KAZN: variants seen among roughly 807,000 people sequenced by gnomAD.
KAZN encodes the protein kazrin, periplakin interacting protein.
Under a neutral mutation model 87.4 loss-of-function variants are expected in KAZN, and 40 were observed. That is an observed-to-expected ratio of 0.46 (90% confidence interval 0.36 to 0.60). The LOEUF (loss-of-function observed/expected upper bound fraction) is 0.60. Ranked by LOEUF, KAZN falls within the 20% of genes least tolerant of loss-of-function variation. The pLI, the probability that KAZN is intolerant of heterozygous loss-of-function variation, is 0.00. For synonymous variants in KAZN, 466 were observed against 458.3 expected (o/e 1.02, Z -0.22); for missense variants, 898 against 1,073.9 (o/e 0.84, Z 2.29).
intron 1 of KAZN, among the ~76,000 whole-genome samples, chr1:14,713,797 A>AGG (rs58621160): frequency 1.4e-4 from 13 of 95,688 alleles, no homozygotes; most frequent in African/African-American, 5.5e-4. Flanking sequence ...AAAAAAAAAA[A>AGG]AAAGAAAGAA....
At position 14,703,864 on chromosome 1, in the gene KAZN, C is replaced by T. The variant is rs141356538; in HGVS notation, c.226+104641C>T. ...GCTGCGCTTCAGCCTGGGGCAACTC[C>T]AGCCTGTGAGACTTTGTCTCTAAAA... On this transcript the variant is annotated intron_variant, in intron 1 of 14. Transcript: ENST00000376030. Among the ~76,000 whole-genome samples the T allele has an allele frequency of 2.5e-3, 378 of 152,254 alleles. 1 individual carries two copies. Among genetic ancestry groups the T allele is most frequent in the African/African-American group, 8.6e-3 (358 of 41,536 alleles).
chr1:14,437,371 A>G (rs1016564010), intron 2 of KAZN, among the ~76,000 whole-genome samples: 1 of 152,224 alleles, frequency 6.6e-6, no homozygotes, highest in Non-Finnish European at 1.5e-5. Context: ...TGAAGAGCTC[A>G]GCTTCCCTTT....
intron 1 of KAZN, among the ~76,000 whole-genome samples, chr1:14,747,417 CA>C (rs1644290667): frequency 6.6e-6 from 1 of 152,140 alleles, no homozygotes; most frequent in African/African-American, 2.4e-5. Context: ...ACTGGGACTA[CA>C]GGCATGCACC....
intron 1 of KAZN, among the ~76,000 whole-genome samples, chr1:14,902,856 T>C (rs867655514): frequency 7.3e-5 from 11 of 151,026 alleles, no homozygotes; most frequent in African/African-American, 2.7e-4. Context: ...AATCTTTTGT[T>C]CCTCCTTCCT....
At chr1:14,491,916 C>T (rs1428751636) in intron 2 of KAZN, among the ~76,000 whole-genome samples, 1 of 152,044 alleles carries the variant, frequency 6.6e-6, no homozygotes, top group Non-Finnish European at 1.5e-5. Context: ...AACTTTTTTG[C>T]CTATCCCTCC....
At chr1:14,466,700 G>A (rs1029766745) in intron 2 of KAZN, among the ~76,000 whole-genome samples, 2 of 151,586 alleles carry the variant, frequency 1.3e-5, no homozygotes, top group Non-Finnish European at 2.9e-5. Context: ...CAGGCGCGGT[G>A]GCTCACGCCT....
intron 2 of KAZN, among the ~76,000 whole-genome samples, chr1:14,267,380 TCA>T (rs896136905): frequency 2.6e-5 from 3 of 115,192 alleles, no homozygotes; most frequent in African/African-American, 1.1e-4. Flanking sequence ...AAAAAAAAAA[TCA>T]CAAAATATCT....
intron 2 of KAZN, among the ~76,000 whole-genome samples, chr1:14,473,202 T>G (rs1668543716): frequency 6.6e-6 from 1 of 152,170 alleles, no homozygotes; most frequent in Non-Finnish European, 1.5e-5. Context: ...CTCAGTTAAA[T>G]TAGAATTTCA....
At chr1:14,714,774 T>TTTTTTC (rs1461872048) in intron 1 of KAZN, among the ~76,000 whole-genome samples, 2 of 150,110 alleles carry the variant, frequency 1.3e-5, no homozygotes, top group Admixed American at 6.7e-5. Flanking sequence ...AGTATTTTTC[T>TTTTTTC]TTTTTCTTTT....
intron 1 of KAZN, among the ~76,000 whole-genome samples, chr1:14,878,857 A>G (rs1217950396): frequency 6.6e-6 from 1 of 152,184 alleles, no homozygotes; most frequent in Non-Finnish European, 1.5e-5. Context: ...TTGAATATTC[A>G]TGAACGTATA....
intron 2 of KAZN, among the ~76,000 whole-genome samples, chr1:14,305,894 G>T (rs1654890262): frequency 6.6e-6 from 1 of 152,122 alleles, no homozygotes; most frequent in Non-Finnish European, 1.5e-5. Flanking sequence ...GGTTTGGCAG[G>T]TAGGGGCTCT....
At chr1:13,922,744 A>G (rs1225508579) in intron 1 of KAZN, among the ~76,000 whole-genome samples, 2 of 152,208 alleles carry the variant, frequency 1.3e-5, no homozygotes, top group African/African-American at 4.8e-5. Flanking sequence ...TGGCATGAGG[A>G]CAACGTGTCC....
chr1:14,413,174 G>A (rs1664443786), intron 2 of KAZN, among the ~76,000 whole-genome samples: 1 of 151,420 alleles, frequency 6.6e-6, no homozygotes, highest in Admixed American at 6.6e-5. Context: ...ATTAGATAGA[G>A]GTGACATCAT....
At chr1:14,362,640 A>G (rs1005889133) in intron 2 of KAZN, among the ~76,000 whole-genome samples, 1 of 152,188 alleles carries the variant, frequency 6.6e-6, no homozygotes, top group African/African-American at 2.4e-5. Flanking sequence ...GCATTGCTCC[A>G]GGCTCTTTAT....
chr1:14,997,332 C>CCGGGTT (rs201965415), intron 2 of KAZN, among the ~76,000 whole-genome samples: 3,356 of 151,890 alleles, frequency 0.022, 65 homozygotes, highest in South Asian at 0.043. Flanking sequence ...CCTCCACCTC[C>CCGGGTT]CGGGTTCGAG....
In KAZN at chr1:14,536,806, C is replaced by T. The variant is rs368048833; in HGVS notation, c.250-62177C>T. Among the ~76,000 whole-genome samples, 454 of 151,958 alleles carry T rather than the reference C, an allele frequency of 3.0e-3. 2 individuals are homozygous for T. Among genetic ancestry groups the T allele is most frequent in the African/African-American group, 8.9e-3 (368 of 41,418 alleles). On this transcript the variant is annotated intron_variant, in intron 2 of 16. Transcript: ENST00000636203. ...CTGAGGCAGGAGAATCACTTGAACCCGGGAGGCGGATGTTGCAGTGAGCCG... is the reference window on the plus strand; with the variant it reads ...CTGAGGCAGGAGAATCACTTGAACCTGGGAGGCGGATGTTGCAGTGAGCCG...
chr1:15,050,609 A>G (rs1485868062), intron 4 of KAZN, among the ~76,000 whole-genome samples: 1 of 152,150 alleles, frequency 6.6e-6, no homozygotes, highest in African/African-American at 2.4e-5. Context: ...CTGCAACGAA[A>G]GCAGTCTGCC....
chr1:13,941,563 A>G (rs1269381109), intron 1 of KAZN, among the ~76,000 whole-genome samples: 2 of 152,152 alleles, frequency 1.3e-5, no homozygotes, highest in Admixed American at 1.3e-4. Context: ...GGATTGGTGG[A>G]TTCTGTCCCA....
At chr1:14,826,320 T>C (rs1015143931) in intron 1 of KAZN, among the ~76,000 whole-genome samples, 2 of 152,250 alleles carry the variant, frequency 1.3e-5, no homozygotes, top group Non-Finnish European at 1.5e-5. Flanking sequence ...ATCTGTCTCA[T>C]TGTCAGGCGC....
Sources: allele counts gnomAD v4.1 joint callset (sites outside exome capture counted in the v4.1 genomes callset), GRCh38; gene constraint gnomAD v4.1.1; transcripts MANE v1.5; gene names NCBI Gene and HGNC (gene_info 2026-07-23, HGNC 2026-07-21).